LPIN1: variants seen among roughly 807,000 people sequenced by gnomAD.
The protein encoded by LPIN1 is phosphatidate phosphatase LPIN1.
LPIN1 carries 71 observed loss-of-function variants against 107.5 expected under a neutral mutation model. That is an observed-to-expected ratio of 0.66 (90% CI 0.55 to 0.80). The LOEUF (loss-of-function observed/expected upper bound fraction) is 0.80. LPIN1 is among the 30% of genes least tolerant of loss of function. LPIN1 has a pLI of 0.00. For synonymous variants in LPIN1, 445 were observed against 452.6 expected (o/e 0.98, Z 0.21); for missense variants, 1,043 against 1,160.6 (o/e 0.90, Z 1.47).
At chr2:11,740,834 A>C (rs1251623645) in intron 1 of LPIN1, among the ~76,000 whole-genome samples, 2 of 152,208 alleles carry the variant, frequency 1.3e-5, no homozygotes, top group Non-Finnish European at 2.9e-5. Flanking sequence ...CAATAAACAG[A>C]AATAAACAAG....
chr2:11,730,740 T>C (rs867510113), intron 1 of LPIN1, among the ~76,000 whole-genome samples: 2 of 152,208 alleles, frequency 1.3e-5, no homozygotes, highest in Admixed American at 1.3e-4. Context: ...TTGTTGCTAT[T>C]GCTGCCCTCC....
chr2:11,789,708 A>G (rs2148670653), intron 12 of LPIN1, among the ~76,000 whole-genome samples: 1 of 152,234 alleles, frequency 6.6e-6, no homozygotes, highest in African/African-American at 2.4e-5. Context: ...CTGCCATGGT[A>G]TCCATGGCCT....
intron 6 of LPIN1, among the ~76,000 whole-genome samples, chr2:11,778,659 A>C (rs934861286): frequency 1.5e-4 from 23 of 152,230 alleles, no homozygotes; most frequent in Non-Finnish European, 1.5e-4. Context: ...CCTCTAGAGG[A>C]AATGATGTGG....
At chr2:11,770,438 G>A (rs1671660968) in intron 3 of LPIN1, among the ~76,000 whole-genome samples, 1 of 152,142 alleles carries the variant, frequency 6.6e-6, no homozygotes, top group Non-Finnish European at 1.5e-5. Context: ...CCCACGGACA[G>A]CAAAGGGCCC....
upstream of LPIN1, among the ~76,000 whole-genome samples, chr2:11,744,072 T>C (rs1202827119): frequency 2.6e-5 from 4 of 152,262 alleles, no homozygotes; most frequent in Non-Finnish European, 4.4e-5. Flanking sequence ...CTGCAGCCCA[T>C]TTCCTGGATT....
At chr2:11,762,131 C>T (rs909830550) in intron 1 of LPIN1, among the ~76,000 whole-genome samples, 2 of 151,970 alleles carry the variant, frequency 1.3e-5, no homozygotes, top group Non-Finnish European at 1.5e-5. Flanking sequence ...CTTTGTGGAT[C>T]GGCTCACGGA....
At chr2:11,699,827 G>T (rs1022933846) in intron 1 of LPIN1, among the ~76,000 whole-genome samples, 1 of 152,130 alleles carries the variant, frequency 6.6e-6, no homozygotes, top group Non-Finnish European at 1.5e-5. Flanking sequence ...GACTGATTCC[G>T]CCTGCAGGAG....
At chr2:11,799,851 G>A (rs895149802) in intron 14 of LPIN1, among the ~76,000 whole-genome samples, 9 of 152,278 alleles carry the variant, frequency 5.9e-5, no homozygotes, top group African/African-American at 2.2e-4. Flanking sequence ...AATGTAGCCC[G>A]AAGTTACCAT....
intron 1 of LPIN1, among the ~76,000 whole-genome samples, chr2:11,749,180 T>G (rs990825463): frequency 5.3e-5 from 8 of 152,132 alleles, no homozygotes; most frequent in African/African-American, 1.7e-4. Flanking sequence ...TTCAGTGACG[T>G]CACAGGTTCT....
chr2:11,791,466 A>G (rs1043321836), intron 12 of LPIN1, among the ~76,000 whole-genome samples: 26 of 152,344 alleles, frequency 1.7e-4, no homozygotes, highest in African/African-American at 6.3e-4. Flanking sequence ...CCCTTAGTAA[A>G]AATCTTATGC....
intron 20 of LPIN1, among the ~76,000 whole-genome samples, chr2:11,821,588 A>T (rs915987893): frequency 2.7e-4 from 41 of 152,314 alleles, no homozygotes; most frequent in African/African-American, 9.6e-4. Flanking sequence ...TGGAGGAGTT[A>T]GACTGGGGGA....
At chr2:11,809,573 C>T (rs1033594073) in intron 17 of LPIN1, among the ~76,000 whole-genome samples, 5 of 152,152 alleles carry the variant, frequency 3.3e-5, no homozygotes, top group African/African-American at 7.2e-5. Context: ...TGTGCCACCA[C>T]GCCCGGGTAA....
At chr2:11,824,467 C>T (rs1419274503) in intron 20 of LPIN1, among the ~76,000 whole-genome samples, 165 bp from the exon 21 acceptor site, 1 of 151,992 alleles carries the variant, frequency 6.6e-6, no homozygotes, top group East Asian at 1.9e-4. Context: ...TTTCATCTCT[C>T]ATTTTCAATT....
intron 1 of LPIN1, among the ~76,000 whole-genome samples, chr2:11,740,722 AAAAGAAAGAAAG>A (rs141242630): frequency 6.7e-6 from 1 of 148,400 alleles, no homozygotes; most frequent in Non-Finnish European, 1.5e-5. Context: ...GAAAGAAAAG[AAAAGAAAGAAAG>A]AAAGAAAGAA....
chr2:11,729,436 C>T (rs760438333), intron 1 of LPIN1, among the ~76,000 whole-genome samples: 27 of 152,208 alleles, frequency 1.8e-4, no homozygotes, highest in Admixed American at 5.2e-4. Flanking sequence ...TCTGCTTTTA[C>T]TTTCACATAT....
At position 11,783,821 on chromosome 2, in the gene LPIN1, C is replaced by T. The variant is rs111698882; in HGVS notation, c.1265-8C>T. ...TGGTTTTCTGACTTGAGCCATTTGC[C>T]GTTTTAGATAAACGAAGCCGACATC... On this transcript the variant is annotated splice_polypyrimidine_tract_variant and splice_region_variant and intron_variant, in intron 8 of 20. Transcript: ENST00000674199. The T allele has an allele frequency of 1.1e-4, 174 of 1,612,402 alleles. 1 individual carries two copies. The highest frequency in any genetic ancestry group is 1.3e-4 in the Non-Finnish European group (151 of 1,178,440).
chr2:11,802,034 C>T (rs181874572), intron 14 of LPIN1, among the ~76,000 whole-genome samples: 79 of 152,036 alleles, frequency 5.2e-4, no homozygotes, highest in Non-Finnish European at 9.4e-4. Flanking sequence ...GGCAAAGTAC[C>T]GGAGGGCTTG....
rs1340458266 is a variant in LPIN1 at position 11,785,070 on chromosome 2, A to G, written c.1543A>G (p.Thr515Ala). 3 of 1,575,622 alleles carry G rather than the reference A, an allele frequency of 1.9e-6. No individual in the cohort carries two copies. The highest frequency in any genetic ancestry group is 4.5e-5 in the East Asian group (2 of 44,226). ...CGGLSDHREI[T>A]KDAFLEQAVS... ...GGGCCTCAGCGACCACCGGGAGATC[A>G]CGAAAGGTACCGCGGGCCTCGCGCG... The change falls in exon 10 of 21, where the codon ACG (threonine) becomes GCG (alanine). Residue 515 changes from threonine (T) to alanine (A), a missense_variant. Physicochemically the swap from Thr to Ala is moderately conservative, Grantham distance 58 (BLOSUM62 0). Coordinates refer to ENST00000674199, the MANE Select transcript of LPIN1 (RefSeq NM_001349206.2).
At chr2:11,773,419 G>A (rs748041335) in intron 4 of LPIN1, among the ~76,000 whole-genome samples, 16 of 152,122 alleles carry the variant, frequency 1.1e-4, no homozygotes, top group Non-Finnish European at 2.1e-4. Flanking sequence ...ATTAGAATTC[G>A]GCCAAAGCAT....
Sources: gnomAD v4.1 joint callset for allele counts (sites outside exome capture counted in the v4.1 genomes callset) on GRCh38, gnomAD v4.1.1 for gene constraint, MANE v1.5 for transcripts, NCBI Gene and HGNC (gene_info 2026-07-23, HGNC 2026-07-21) for gene names.